The following ERP44 variants were observed in gnomAD, a reference collection of about 807,000 sequenced individuals.
ERP44 encodes the protein endoplasmic reticulum resident protein 44.
In ERP44, 25 loss-of-function variants were observed where a neutral mutation model predicts 53.4. The observed-to-expected ratio is 0.47, with a 90% CI of 0.34 to 0.65. The LOEUF (loss-of-function observed/expected upper bound fraction) is 0.65, where lower values mean the gene tolerates loss of function less well. Among genes scored for constraint, ERP44 ranks in the 30% least tolerant of loss-of-function variants. The pLI is 0.01. For synonymous variants in ERP44, 145 were observed against 161.2 expected (o/e 0.90, Z 0.76); for missense variants, 338 against 493.2 (o/e 0.69, Z 2.98).
chr9:99,989,859 G>A (rs1035364687), intron 10 of ERP44, among the ~76,000 whole-genome samples: 7 of 152,168 alleles, frequency 4.6e-5, no homozygotes, highest in Admixed American at 6.5e-5. Context: ...ACCATGGCAC[G>A]AGAACTATGT....
intron 4 of ERP44, among the ~76,000 whole-genome samples, chr9:100,045,283 T>C (rs1419031469): frequency 6.6e-6 from 1 of 152,198 alleles, no homozygotes; most frequent in Non-Finnish European, 1.5e-5. Flanking sequence ...ACGTCTTCCC[T>C]ATCCCTGCAG....
At chr9:100,087,654 T>C (rs1288821835) in intron 1 of ERP44, among the ~76,000 whole-genome samples, 3 of 152,214 alleles carry the variant, frequency 2.0e-5, no homozygotes, top group Non-Finnish European at 4.4e-5. Context: ...GTTAAATAAC[T>C]TTTTGAAGTT....
intron 11 of ERP44, among the ~76,000 whole-genome samples, chr9:99,983,933 G>C (rs913188553): frequency 6.6e-6 from 1 of 152,170 alleles, no homozygotes; most frequent in South Asian, 2.1e-4. Context: ...TGAGGAAATT[G>C]AAACAAATCA....
intron 10 of ERP44, among the ~76,000 whole-genome samples, chr9:100,004,397 G>A (rs1228405288): frequency 6.6e-6 from 1 of 152,218 alleles, no homozygotes. Flanking sequence ...TAGGTCCAGA[G>A]ACTGAGTCTG....
At chr9:100,023,132 TA>T (rs1417169011) in intron 4 of ERP44, among the ~76,000 whole-genome samples, 2 of 152,164 alleles carry the variant, frequency 1.3e-5, no homozygotes, top group African/African-American at 2.4e-5. Context: ...AGCAGATGCA[TA>T]ATAGATACAT....
chr9:100,021,983 A>G, intron 5 of ERP44, 59 bp downstream of exon 5: 1 of 1,469,198 alleles, frequency 6.8e-7, no homozygotes, highest in Non-Finnish European at 9.4e-7. Context: ...TGTTTGCATT[A>G]GAATTTGTTT....
intron 8 of ERP44, among the ~76,000 whole-genome samples, chr9:100,014,515 C>T (rs1454606507): frequency 1.3e-5 from 2 of 152,182 alleles, no homozygotes; most frequent in African/African-American, 2.4e-5. Context: ...TCTCGAACTC[C>T]CGACCTCAGG....
At chr9:99,999,029 G>T in intron 10 of ERP44, 1 of 906,490 alleles carries the variant, frequency 1.1e-6, no homozygotes, top group Non-Finnish European at 1.8e-6. Context: ...GGGCGCAGCT[G>T]CTCCTTGGTG....
intron 7 of ERP44, among the ~76,000 whole-genome samples, chr9:100,016,666 T>TA (rs1457941686): frequency 1.3e-5 from 2 of 152,116 alleles, no homozygotes; most frequent in African/African-American, 4.8e-5. Context: ...CACGCCAAGC[T>TA]AATTATTTTA....
chr9:100,036,673 AC>A (rs1385944580), intron 4 of ERP44, among the ~76,000 whole-genome samples: 4 of 152,224 alleles, frequency 2.6e-5, no homozygotes, highest in Non-Finnish European at 5.9e-5. Context: ...TTGAAAATGA[AC>A]AAAAAAGGAT....
At chr9:100,088,712 C>A (rs1826515560) in intron 1 of ERP44, among the ~76,000 whole-genome samples, 1 of 152,058 alleles carries the variant, frequency 6.6e-6, no homozygotes, top group African/African-American at 2.4e-5. Context: ...CAGTATTATT[C>A]CTCAGAAGTT....
intron 4 of ERP44, among the ~76,000 whole-genome samples, chr9:100,037,819 G>T (rs1825860094): frequency 6.6e-6 from 1 of 152,138 alleles, no homozygotes; most frequent in Admixed American, 6.5e-5. Flanking sequence ...GAGCCCTTTG[G>T]CCTGAATAAC....
rs191420296 is a variant in ERP44, at chr9:100,045,811, C to T, written c.286+6606G>A. 3.9e-5 allele frequency among the ~76,000 whole-genome samples: 6 copies of T among 152,184 alleles called. No homozygotes were observed. The East Asian group carries it at 1.2e-3, about 29-fold the overall frequency. On this transcript the variant is annotated intron_variant, in intron 4 of 11. Coordinates refer to ENST00000262455, the MANE Select transcript of ERP44 (RefSeq NM_015051.3). The stretch of plus-strand genomic sequence containing the variant: ...ATTCTGAGGCCACCTTCTGTCCTTG[C>T]TAGGAAGCTTCTTACAGATCTTCTG...
chr9:99,979,737 G>C lies in ERP44; in HGVS notation c.*2875C>G. ...CTCTCTTCCCAGCTGAGAAGCCTGA[G>C]GCCCCGAGTAGATCAGATAAACCGG... is the stretch of plus-strand genomic sequence containing the variant. On this transcript the variant is annotated 3_prime_UTR_variant, in exon 12 of 12. Transcript: ENST00000262455. 1 of 381,684 alleles carries C rather than the reference G, an allele frequency of 2.6e-6. No individual in the cohort carries two copies. 23.6% of individuals were successfully genotyped at this position (381,684 alleles called of 1,614,324 possible).
intron 1 of ERP44, among the ~76,000 whole-genome samples, chr9:100,093,378 T>C (rs1038221002): frequency 1.3e-5 from 2 of 152,226 alleles, no homozygotes; most frequent in African/African-American, 4.8e-5. Flanking sequence ...GCACAGTGGC[T>C]CAGGCCTATA....
rs930430941 is a variant in ERP44, at chr9:100,009,454, T to C, written c.763-1765A>G. On this transcript the variant is annotated intron_variant, in intron 8 of 11. Transcript: ENST00000262455. ...ACTTCAAAAAGAAACCACATACCCATTAGTAGTGATTCCCATCTCCCCTCT... is the reference window on the plus strand; with the variant it reads ...ACTTCAAAAAGAAACCACATACCCACTAGTAGTGATTCCCATCTCCCCTCT... Among the ~76,000 whole-genome samples, 5 of 152,106 alleles carry C rather than the reference T, an allele frequency of 3.3e-5. No homozygotes were observed. In the East Asian group the frequency reaches 9.6e-4, roughly 29 times the overall value.
chr9:100,080,487 C>G (rs754683372), intron 1 of ERP44, among the ~76,000 whole-genome samples: 3 of 151,998 alleles, frequency 2.0e-5, no homozygotes, highest in Admixed American at 6.6e-5. Context: ...CAGCTAAGGC[C>G]TGAAGGAAAT....
intron 1 of ERP44, among the ~76,000 whole-genome samples, chr9:100,068,504 C>A (rs1215747636): frequency 7.2e-6 from 1 of 139,226 alleles, no homozygotes; most frequent in Non-Finnish European, 1.6e-5. Flanking sequence ...CCAGCCGCCC[C>A]GTCCGGGAGG....
chr9:100,094,390 G>A (rs1422456323), intron 1 of ERP44, among the ~76,000 whole-genome samples: 3 of 152,208 alleles, frequency 2.0e-5, no homozygotes, highest in Non-Finnish European at 4.4e-5. Flanking sequence ...GGGCGTGGTG[G>A]CTCATGCCTG....
Sources: allele counts gnomAD v4.1 joint callset (sites outside exome capture counted in the v4.1 genomes callset), GRCh38; gene constraint gnomAD v4.1.1; transcripts MANE v1.5; gene names NCBI Gene and HGNC (gene_info 2026-07-23, HGNC 2026-07-21).